GRAMD1B: variants seen among roughly 807,000 people sequenced by gnomAD.
The protein encoded by GRAMD1B is protein Aster-B.
GRAMD1B carries 37 observed loss-of-function variants against 99.7 expected under a neutral mutation model. The ratio of observed to expected loss-of-function variants is 0.37; its 90% CI spans 0.29 to 0.49. GRAMD1B has a LOEUF of 0.49. Ranked by LOEUF, GRAMD1B falls within the 20% of genes least tolerant of loss-of-function variation. GRAMD1B has a pLI of 0.98. For missense variants in GRAMD1B, 888 were observed against 1,009.2 expected (o/e 0.88, Z 1.63); for synonymous variants, 427 against 387.6 (o/e 1.10, Z -1.19).
At chr11:123,465,903 T>C (rs1339117146) in intron 1 of GRAMD1B, among the ~76,000 whole-genome samples, 1 of 151,722 alleles carries the variant, frequency 6.6e-6, no homozygotes, top group Non-Finnish European at 1.5e-5. Context: ...TGAGAGGAAA[T>C]GGATGGAGAA....
chr11:123,598,669 T>C, intron 7 of GRAMD1B: 1 of 1,170,356 alleles, frequency 8.5e-7, no homozygotes, highest in South Asian at 1.2e-5. Flanking sequence ...GATTTCAATC[T>C]GTCCAAACCC....
intron 8 of GRAMD1B, among the ~76,000 whole-genome samples, chr11:123,601,012 T>G (rs1294523232): frequency 1.3e-5 from 2 of 152,070 alleles, no homozygotes; most frequent in Non-Finnish European, 2.9e-5. Flanking sequence ...TTGGCTAGTT[T>G]GAATAATTTT....
chr11:123,519,020 C>T (rs1032797941), intron 2 of GRAMD1B, among the ~76,000 whole-genome samples: 1 of 152,232 alleles, frequency 6.6e-6, no homozygotes, highest in East Asian at 1.9e-4. Flanking sequence ...TTGAAGCAAA[C>T]AGCCCCGCTT....
intron 2 of GRAMD1B, among the ~76,000 whole-genome samples, chr11:123,530,056 T>G (rs2135531610): frequency 6.6e-6 from 1 of 152,312 alleles, no homozygotes; most frequent in Middle Eastern, 3.4e-3. Context: ...GGAAAAGGGC[T>G]TAGTCCTCAG....
At chr11:123,595,866 C>T (rs1000456241) in intron 6 of GRAMD1B, 76 bp from the exon 7 acceptor site, 17 of 749,540 alleles carry the variant, frequency 2.3e-5, no homozygotes, top group South Asian at 8.3e-5. Flanking sequence ...ACACTGGCGC[C>T]CCCTGAACAC....
At chr11:123,568,519 A>C (rs145080722) in intron 2 of GRAMD1B, among the ~76,000 whole-genome samples, 171 of 152,372 alleles carry the variant, frequency 1.1e-3, no homozygotes, top group African/African-American at 4.0e-3. Context: ...AGAGGGGACA[A>C]GAGGTTCATT....
At chr11:123,364,108 G>A (rs911084376) in intron 1 of GRAMD1B, among the ~76,000 whole-genome samples, 5 of 152,036 alleles carry the variant, frequency 3.3e-5, no homozygotes, top group Admixed American at 2.6e-4. Flanking sequence ...ATATATTGAA[G>A]GGTTATATAA....
At chr11:123,615,994 A>G (rs1954321343) in intron 17 of GRAMD1B, among the ~76,000 whole-genome samples, 1 of 152,204 alleles carries the variant, frequency 6.6e-6, no homozygotes. Context: ...TGATGACAGC[A>G]TAAGAAACGA....
At chr11:123,544,185 C>T (rs1944833236) in intron 2 of GRAMD1B, among the ~76,000 whole-genome samples, 1 of 152,216 alleles carries the variant, frequency 6.6e-6, no homozygotes, top group African/African-American at 2.4e-5. Flanking sequence ...GCCTACAAGA[C>T]ACACATGGAG....
At chr11:123,595,524 C>T (rs901548449) in intron 6 of GRAMD1B, among the ~76,000 whole-genome samples, 3 of 152,042 alleles carry the variant, frequency 2.0e-5, no homozygotes, top group Non-Finnish European at 4.4e-5. Context: ...GAACTGCCGA[C>T]CTCAGGTGAT....
intron 1 of GRAMD1B, among the ~76,000 whole-genome samples, chr11:123,414,565 C>G (rs948799139): frequency 6.6e-6 from 1 of 152,090 alleles, no homozygotes; most frequent in Non-Finnish European, 1.5e-5. Context: ...CCTTATGGGG[C>G]TTACTCTGAC....
chr11:123,578,706 A>G (rs552370125), intron 3 of GRAMD1B, among the ~76,000 whole-genome samples: 37 of 152,154 alleles, frequency 2.4e-4, no homozygotes, highest in Non-Finnish European at 2.1e-4. Flanking sequence ...TCTGGCTGGG[A>G]GTTTATTCCC....
chr11:123,502,163 A>G (rs747729045), intron 2 of GRAMD1B, among the ~76,000 whole-genome samples: 3 of 152,098 alleles, frequency 2.0e-5, no homozygotes, highest in East Asian at 1.9e-4. Context: ...GTCTGTTTGC[A>G]CCTCATCCTG....
At chr11:123,517,149 A>T (rs1444915773) in intron 2 of GRAMD1B, among the ~76,000 whole-genome samples, 1 of 152,110 alleles carries the variant, frequency 6.6e-6, no homozygotes, top group South Asian at 2.1e-4. Context: ...CAAACTCCTG[A>T]CCTCAAATGA....
At chr11:123,535,253 AT>A (rs1456857366) in intron 2 of GRAMD1B, among the ~76,000 whole-genome samples, 2 of 149,790 alleles carry the variant, frequency 1.3e-5, no homozygotes, top group African/African-American at 2.5e-5. Context: ...AAAAAAAAAA[AT>A]CTCATACAAC....
intron 1 of GRAMD1B, among the ~76,000 whole-genome samples, chr11:123,441,516 T>C (rs1309564870): frequency 1.3e-5 from 2 of 151,594 alleles, no homozygotes; most frequent in African/African-American, 4.9e-5. Flanking sequence ...GCATGGTGGC[T>C]TGCACCTGTA....
intron 1 of GRAMD1B, among the ~76,000 whole-genome samples, chr11:123,446,996 A>G (rs553332608): frequency 6.6e-6 from 1 of 152,298 alleles, no homozygotes; most frequent in East Asian, 1.9e-4. Context: ...CAGGAAAGGC[A>G]AGAAAAGATG....
At position 123,431,515 on chromosome 11, in the gene GRAMD1B, T is replaced by A. The variant is rs564368191; in HGVS notation, c.374+349T>A. 1.1e-4 allele frequency among the ~76,000 whole-genome samples: 16 copies of A among 152,352 alleles called. No homozygotes were observed. In the South Asian group the frequency reaches 3.3e-3, roughly 32 times the overall value. ...ATGTGCGGGCCACTATGTTGCGCACTTCATGTACCTCCAGATTTCATCCCT... is the reference window on the plus strand; with the variant it reads ...ATGTGCGGGCCACTATGTTGCGCACATCATGTACCTCCAGATTTCATCCCT... On this transcript the variant is annotated intron_variant, in intron 1 of 19. Coordinates refer to ENST00000635736, the MANE Select transcript of GRAMD1B (RefSeq NM_001387025.1).
At chr11:123,584,217 G>T in intron 3 of GRAMD1B, 95 bp from the exon 4 acceptor site, 3 of 706,784 alleles carry the variant, frequency 4.2e-6, no homozygotes, top group Non-Finnish European at 5.0e-6. Flanking sequence ...CCTCCTCCCT[G>T]CCCACCCTCC....
Sources: allele counts gnomAD v4.1 joint callset (sites outside exome capture counted in the v4.1 genomes callset), GRCh38; gene constraint gnomAD v4.1.1; transcripts MANE v1.5; gene names NCBI Gene and HGNC (gene_info 2026-07-23, HGNC 2026-07-21).